PIK3R6: variants seen among roughly 807,000 people sequenced by gnomAD.
The protein encoded by PIK3R6 is phosphoinositide 3-kinase regulatory subunit 6.
PIK3R6 carries 91 observed loss-of-function variants against 84.9 expected under a neutral mutation model. The observed-to-expected ratio is 1.07, with a 90% CI of 0.90 to 1.28. PIK3R6 has a LOEUF of 1.28. Ranked by LOEUF, PIK3R6 falls within the 50% of genes most tolerant of loss-of-function variation. PIK3R6 has a pLI of 0.00. For synonymous variants in PIK3R6, 416 were observed against 411.4 expected (o/e 1.01, Z -0.13); for missense variants, 996 against 985.1 (o/e 1.01, Z -0.15).
At chr17:8,828,463 C>G in intron 11 of PIK3R6, 104 bp downstream of exon 11, 1 of 1,414,586 alleles carries the variant, frequency 7.1e-7, no homozygotes, top group East Asian at 2.5e-5. Context: ...TGGCCTCTGC[C>G]TCCTGACCCT....
chr17:8,824,216 C>T (rs1323191470), intron 13 of PIK3R6, among the ~76,000 whole-genome samples: 2 of 152,188 alleles, frequency 1.3e-5, no homozygotes, highest in African/African-American at 2.4e-5. Context: ...TTGCAGTGAG[C>T]CAAGATTGTG....
At chr17:8,816,082 T>C (rs1406098022) in intron 18 of PIK3R6, among the ~76,000 whole-genome samples, 1 of 152,138 alleles carries the variant, frequency 6.6e-6, no homozygotes, top group African/African-American at 2.4e-5. Flanking sequence ...GAACTCATAA[T>C]TGAAAAACAA....
At chr17:8,825,685 T>C (rs889176754) in intron 13 of PIK3R6, among the ~76,000 whole-genome samples, 1 of 152,156 alleles carries the variant, frequency 6.6e-6, no homozygotes, top group African/African-American at 2.4e-5. Context: ...CATTAAACAA[T>C]AAAATTAACT....
intron 2 of PIK3R6, among the ~76,000 whole-genome samples, chr17:8,847,666 G>A (rs12953027): frequency 0.12 from 18,473 of 152,104 alleles, 1,245 homozygotes; most frequent in Middle Eastern, 0.18. Flanking sequence ...AGCCGGACAT[G>A]GTGGTGCATG....
intron 2 of PIK3R6, among the ~76,000 whole-genome samples, chr17:8,847,764 T>C (rs2088846653): frequency 6.6e-6 from 1 of 151,758 alleles, no homozygotes; most frequent in South Asian, 2.1e-4. Flanking sequence ...GATGGTGTCA[T>C]TGCACTCCAG....
intron 18 of PIK3R6, among the ~76,000 whole-genome samples, chr17:8,813,130 A>G (rs2151185057): frequency 6.6e-6 from 1 of 152,340 alleles, no homozygotes; most frequent in African/African-American, 2.4e-5. Context: ...GCACACAAAC[A>G]GGAAAATCTA....
chr17:8,821,432 AC>A (rs80123644), intron 17 of PIK3R6, among the ~76,000 whole-genome samples: 25,308 of 152,092 alleles, frequency 0.17, 2,178 homozygotes, highest in Middle Eastern at 0.22. Flanking sequence ...ATTCCAGGAG[AC>A]CAGGGAGCTC....
Position 8,844,173 on chromosome 17 carries a change from C to A in PIK3R6, c.14-4476G>T, listed in dbSNP as rs1176967010. ...GCAAAGGTCTCCTGAGCCATCTTCACCAGAGCACGAGAATGTCCCTCAAGG... is the reference window on the plus strand; with the variant it reads ...GCAAAGGTCTCCTGAGCCATCTTCAACAGAGCACGAGAATGTCCCTCAAGG... On this transcript the variant is annotated intron_variant, in intron 2 of 19. Coordinates refer to ENST00000619866, the MANE Select transcript of PIK3R6 (RefSeq NM_001010855.4). This position sits in a 1 kb window ranked among gnomAD's most constrained non-coding sequence, Gnocchi z 4.5. 1.3e-5 allele frequency among the ~76,000 whole-genome samples: 2 copies of A among 152,222 alleles called. No individual in the cohort carries two copies. The highest frequency in any genetic ancestry group is 2.4e-5 in the African/African-American group (1 of 41,454).
Position 8,849,635 on chromosome 17 carries a change from C to A in PIK3R6, c.13+147G>T. 9.1e-6 allele frequency: 8 copies of A among 879,894 alleles called. No homozygotes were observed. In the South Asian group the frequency reaches 2.8e-4, roughly 31 times the overall value. The allele number at this position is 879,894 out of a possible 1,614,324, so 54.5% of individuals were successfully genotyped here. On this transcript the variant is annotated intron_variant, in intron 2 of 19. Transcript: ENST00000619866. ...ATGTCCAACTCTCAAGATGTTCTTA[C>A]ATTTAGGCAGGATCCCTGAATTGGG...
chr17:8,803,968 T>C lies in PIK3R6; in HGVS notation c.2108+73A>G, dbSNP rs1024327389. The C allele has an allele frequency of 7.6e-6, 10 of 1,308,312 alleles. No individual in the cohort carries two copies. In the African/African-American group the frequency reaches 1.3e-4, roughly 17 times the overall value. The allele number at this position is 1,308,312 out of a possible 1,614,324, so 81.0% of individuals were successfully genotyped here. ...GGTGCCTTGAGCTAGAGGCAGGAGA[T>C]GGCAGGAGCTGGCTCCTGCTTCAGT... On this transcript the variant is annotated intron_variant, in intron 19 of 19. Transcript: ENST00000619866. This position sits in a 1 kb window ranked among gnomAD's most constrained non-coding sequence, Gnocchi z 5.0.
rs145442553 is a variant in PIK3R6, at chr17:8,827,941, C to T, written c.1392+171G>A. The stretch of plus-strand genomic sequence containing the variant: ...TGGCCACATGCAACCCCCAGAGCAC[C>T]GTCTGCAGCCTCTGAAATAGAAGAC... On this transcript the variant is annotated intron_variant, in intron 12 of 19. Transcript: ENST00000619866. 2.3e-3 allele frequency among the ~76,000 whole-genome samples: 357 copies of T among 152,298 alleles called. 2 individuals carry two copies. The highest frequency in any genetic ancestry group is 8.3e-3 in the African/African-American group (344 of 41,560).
intron 14 of PIK3R6, 89 bp from the exon 15 acceptor site, chr17:8,823,175 C>T: frequency 1.9e-6 from 2 of 1,051,340 alleles, no homozygotes; most frequent in South Asian, 2.7e-5. Context: ...CCATGGAGAA[C>T]CCTTCCACAT....
chr17:8,863,244 A>G (rs181341020), intron 1 of PIK3R6, among the ~76,000 whole-genome samples: 235 of 152,136 alleles, frequency 1.5e-3, no homozygotes, highest in Non-Finnish European at 2.9e-3. Context: ...GTCAATTGAT[A>G]TATTATAATT....
chr17:8,829,869 T>A, intron 9 of PIK3R6, 77 bp from the exon 10 acceptor site: 1 of 1,201,096 alleles, frequency 8.3e-7, no homozygotes, highest in Non-Finnish European at 1.2e-6. Flanking sequence ...CCTGCCCAGC[T>A]CCTGTGCGGG....
intron 12 of PIK3R6, among the ~76,000 whole-genome samples, chr17:8,827,765 A>AGG: frequency 2.5e-5 from 1 of 40,718 alleles, no homozygotes; most frequent in South Asian, 1.8e-3. Context: ...GAGAGAGAGG[A>AGG]GAGAGAGAGA....
rs1178525817 is a variant in PIK3R6, at chr17:8,803,401, A to G, written c.2137T>C (p.Cys713Arg). Reference protein sequence around the residue: ...RFEVAPCPEPCSGAQKSKAPW... With the variant: ...RFEVAPCPEPRSGAQKSKAPW... ...GCCTTGGACTTCTGGGCCCCAGAAC[A>G]TGGTTCTGGGCAGGGAGCAACCTCG... Residue 713 changes from cysteine (C) to arginine (R), a missense_variant, in exon 20 of 20, where the codon TGT (cysteine) becomes CGT (arginine). Coordinates refer to ENST00000619866, the MANE Select transcript of PIK3R6 (RefSeq NM_001010855.4). This position sits in a 1 kb window ranked among gnomAD's most constrained non-coding sequence, Gnocchi z 5.0. 1 of 1,612,090 alleles carries G rather than the reference A, an allele frequency of 6.2e-7. No individual in the cohort carries two copies. The highest frequency in any genetic ancestry group is 8.5e-7 in the Non-Finnish European group (1 of 1,178,948).
intron 7 of PIK3R6, among the ~76,000 whole-genome samples, chr17:8,836,169 G>A (rs74479245): frequency 0.02 from 2,976 of 152,282 alleles, 103 homozygotes; most frequent in African/African-American, 0.068. Flanking sequence ...GAGCCCCTCC[G>A]CTATGGCTAT....
At chr17:8,866,138 G>T (rs868429803) in intron 1 of PIK3R6, among the ~76,000 whole-genome samples, 7 of 152,236 alleles carry the variant, frequency 4.6e-5, no homozygotes, top group Middle Eastern at 3.4e-3. Context: ...AAACCTCCGT[G>T]CCTCAGTTTC....
At chr17:8,815,853 T>A (rs2087518150) in intron 18 of PIK3R6, among the ~76,000 whole-genome samples, 1 of 152,204 alleles carries the variant, frequency 6.6e-6, no homozygotes, top group Non-Finnish European at 1.5e-5. Flanking sequence ...AGGCAAGTCT[T>A]TCCTGGAAAT....
Sources: allele counts gnomAD v4.1 joint callset (sites outside exome capture counted in the v4.1 genomes callset), GRCh38; gene constraint gnomAD v4.1.1; non-coding constraint Gnocchi (gnomAD v3.1); transcripts MANE v1.5; gene names NCBI Gene and HGNC (gene_info 2026-07-23, HGNC 2026-07-21).